CRISP1: variants seen among roughly 807,000 people sequenced by gnomAD.
The protein encoded by CRISP1 is cysteine rich secretory protein 1, also known as cysteine-rich secretory protein 1.
CRISP1 carries 44 observed loss-of-function variants against 33.1 expected under a neutral mutation model. The observed-to-expected ratio is 1.33, with a 90% confidence interval of 1.05 to 1.71. The LOEUF (loss-of-function observed/expected upper bound fraction) is 1.71, where lower values mean the gene tolerates loss of function less well. Ranked by LOEUF, CRISP1 falls within the 40% of genes most tolerant of loss-of-function variation. CRISP1 has a pLI of 0.00. For synonymous variants in CRISP1, 103 were observed against 98.7 expected (o/e 1.04, Z -0.26); for missense variants, 390 against 301.2 (o/e 1.29, Z -2.18).
intron 1 of CRISP1, among the ~76,000 whole-genome samples, chr6:49,862,610 G>A (rs1008571901): frequency 5.3e-5 from 8 of 152,128 alleles, no homozygotes; most frequent in East Asian, 1.9e-4. Context: ...GAATGATTAT[G>A]GGATAATCGG....
chr6:49,873,696 G>A (rs1234757511), intron 1 of CRISP1, among the ~76,000 whole-genome samples: 1 of 151,984 alleles, frequency 6.6e-6, no homozygotes, highest in Non-Finnish European at 1.5e-5. Flanking sequence ...ATTATGTATT[G>A]CTTATATTAT....
At chr6:49,874,303 T>C (rs1421731001) in intron 1 of CRISP1, among the ~76,000 whole-genome samples, 1 of 152,096 alleles carries the variant, frequency 6.6e-6, no homozygotes, top group Non-Finnish European at 1.5e-5. Context: ...TGCCTAATGC[T>C]ATAAAACATT....
chr6:49,861,257 C>A (rs569169196), intron 1 of CRISP1, among the ~76,000 whole-genome samples: 1 of 152,258 alleles, frequency 6.6e-6, no homozygotes, highest in East Asian at 1.9e-4. Context: ...GCTGCCATTA[C>A]TCTGATACCA....
chr6:49,841,337 T>C (rs1770981272), intron 5 of CRISP1, among the ~76,000 whole-genome samples: 1 of 152,182 alleles, frequency 6.6e-6, no homozygotes, highest in South Asian at 2.1e-4. Context: ...AACCCAATGT[T>C]CATTTTCTCT....
At chr6:49,864,173 C>T (rs1260432036) in intron 1 of CRISP1, among the ~76,000 whole-genome samples, 1 of 152,052 alleles carries the variant, frequency 6.6e-6, no homozygotes, top group African/African-American at 2.4e-5. Context: ...TTTCACTACT[C>T]ATTATTATAC....
chr6:49,839,962 A>G (rs1038294373), intron 6 of CRISP1, among the ~76,000 whole-genome samples: 1 of 152,200 alleles, frequency 6.6e-6, no homozygotes, highest in Non-Finnish European at 1.5e-5. Context: ...TTTATACTGA[A>G]CATTTTGTAT....
At chr6:49,843,536 G>A (rs934313638) in intron 5 of CRISP1, among the ~76,000 whole-genome samples, 21 of 152,168 alleles carry the variant, frequency 1.4e-4, no homozygotes, top group Admixed American at 3.9e-4. Context: ...AACTAACTAT[G>A]CTGGCACTCT....
At chr6:49,842,057 T>C (rs1771008629) in intron 5 of CRISP1, among the ~76,000 whole-genome samples, 2 of 152,242 alleles carry the variant, frequency 1.3e-5, no homozygotes, top group Admixed American at 6.5e-5. Context: ...AACATGTTTG[T>C]ATGACTCTTT....
At chr6:49,863,050 G>C (rs1417231973) in intron 1 of CRISP1, among the ~76,000 whole-genome samples, 1 of 152,092 alleles carries the variant, frequency 6.6e-6, no homozygotes, top group East Asian at 1.9e-4. Flanking sequence ...GGACATATGG[G>C]TCAAAATCAG....
At chr6:49,873,171 A>C (rs1268132424) in intron 1 of CRISP1, among the ~76,000 whole-genome samples, 1 of 151,924 alleles carries the variant, frequency 6.6e-6, no homozygotes, top group Non-Finnish European at 1.5e-5. Context: ...TAAGTATAAA[A>C]AATAAAAATA....
chr6:49,835,332 TCA>T lies in CRISP1; in HGVS notation c.732_733del (p.Cys244Ter). ...AACAAAGACCTATTTTATCTCAGTGTCACACAGACAAGTGGCTTTACAGAATA... is the reference window on the plus strand; with the variant it reads ...AACAAAGACCTATTTTATCTCAGTGTCACAGACAAGTGGCTTTACAGAATA... On this transcript the variant is annotated stop_gained and frameshift_variant, in exon 8 of 8. Coordinates refer to ENST00000335847, the MANE Select transcript of CRISP1 (RefSeq NM_001131.3). LOFTEE classifies it high-confidence loss of function. 1 of 1,613,774 alleles carries T rather than the reference TCA, an allele frequency of 6.2e-7. No individual in the cohort carries two copies.
chr6:49,838,412 A>T, intron 7 of CRISP1, 25 bp downstream of exon 7: 1 of 1,571,186 alleles, frequency 6.4e-7, no homozygotes, highest in South Asian at 1.1e-5. Context: ...TTAACTGTAA[A>T]CAAACAGAAT....
rs28847370 is a variant in CRISP1 at position 49,861,157 on chromosome 6, G to A, written c.-2-3755C>T. Reference sequence around the variant, plus strand: ...GATGATTTCACTGCTGAATTCTACCGAATCTTCAAAGATGAACTAACACCT... The same window carrying A: ...GATGATTTCACTGCTGAATTCTACCAAATCTTCAAAGATGAACTAACACCT... On this transcript the variant is annotated intron_variant, in intron 1 of 7. Coordinates refer to ENST00000335847, the MANE Select transcript of CRISP1 (RefSeq NM_001131.3). Among the ~76,000 whole-genome samples, 420 of 152,084 alleles carry A rather than the reference G, an allele frequency of 2.8e-3. 3 individuals are homozygous for A. The highest frequency in any genetic ancestry group is 9.6e-3 in the African/African-American group (400 of 41,508).
intron 5 of CRISP1, among the ~76,000 whole-genome samples, chr6:49,844,124 A>G (rs1771081522): frequency 6.6e-6 from 1 of 152,214 alleles, no homozygotes; most frequent in Admixed American, 6.5e-5. Context: ...TAGCCCATCT[A>G]TATTGCAGAA....
chr6:49,849,722 A>G (rs1034936820), intron 3 of CRISP1, among the ~76,000 whole-genome samples: 2 of 152,134 alleles, frequency 1.3e-5, no homozygotes, highest in Admixed American at 6.6e-5. Flanking sequence ...CGTCCTGAGC[A>G]TGTAGTTTAA....
At chr6:49,842,213 G>T (rs924670516) in intron 5 of CRISP1, among the ~76,000 whole-genome samples, 1 of 152,046 alleles carries the variant, frequency 6.6e-6, no homozygotes, top group Admixed American at 6.6e-5. Context: ...TTATAATGTA[G>T]ATTCTTTGTT....
intron 3 of CRISP1, among the ~76,000 whole-genome samples, chr6:49,851,399 A>G (rs1771341180): frequency 6.6e-6 from 1 of 152,170 alleles, no homozygotes; most frequent in South Asian, 2.1e-4. Context: ...TTTGTCTTGT[A>G]GCAGAGCATA....
chr6:49,867,489 T>C (rs533326623), upstream of CRISP1, among the ~76,000 whole-genome samples: 556 of 152,164 alleles, frequency 3.7e-3, 4 homozygotes, highest in Non-Finnish European at 4.9e-3. Flanking sequence ...ATTGAATATC[T>C]AAAAGGAAAG....
Position 49,835,462 on chromosome 6 carries a change from G to A in CRISP1, c.623-19C>T. On this transcript the variant is annotated intron_variant, in intron 7 of 7. Coordinates refer to ENST00000335847, the MANE Select transcript of CRISP1 (RefSeq NM_001131.3). ...GGGTTAGCTGAAAGAAAATAGTATG[G>A]TTTTACAACACAGTCTTTTAAAAAT... 1 of 1,610,682 alleles carries A rather than the reference G, an allele frequency of 6.2e-7. No individual in the cohort carries two copies. The highest frequency in any genetic ancestry group is 1.1e-5 in the South Asian group (1 of 90,424).
Sources: gnomAD v4.1 joint callset for allele counts (sites outside exome capture counted in the v4.1 genomes callset) on GRCh38, gnomAD v4.1.1 for gene constraint, MANE v1.5 for transcripts, NCBI Gene and HGNC (gene_info 2026-07-23, HGNC 2026-07-21) for gene names.